ASB15: variants seen among roughly 807,000 people sequenced by gnomAD.
ASB15 encodes ankyrin repeat and SOCS box containing 15, also known as ankyrin repeat and SOCS box protein 15.
In ASB15, 54 loss-of-function variants were observed where a neutral mutation model predicts 58.0. The ratio of observed to expected loss-of-function variants is 0.93; its 90% confidence interval spans 0.75 to 1.17. ASB15 has a LOEUF of 1.17. ASB15 is among the 50% of genes most tolerant of loss of function. ASB15 has a pLI of 0.00. For missense variants in ASB15, 680 were observed against 707.4 expected, an observed-to-expected ratio of 0.96 and a Z score of 0.44; for synonymous variants, 249 against 262.4, an observed-to-expected ratio of 0.95 and a Z score of 0.50.
At chr7:123,628,842 A>T in intron 9 of ASB15, 22 bp from the exon 10 acceptor site, 1 of 1,419,986 alleles carries the variant, frequency 7.0e-7, no homozygotes, top group Non-Finnish European at 9.5e-7. Flanking sequence ...TGGCAAGTAG[A>T]TATTTGACTT....
In ASB15 at chr7:123,614,625, A is replaced by G. The variant is rs1427652876; in HGVS notation, c.107+16A>G. On this transcript the variant is annotated intron_variant, in intron 4 of 11. Coordinates refer to ENST00000451215, the MANE Select transcript of ASB15 (RefSeq NM_001290258.2). ...GTCCTGAAAGGTAGTATTCAAACCA[A>G]CTATCCTCAGCAAAATTTCTTTATG... 3 of 1,503,438 alleles carry G rather than the reference A, an allele frequency of 2.0e-6. No individual in the cohort carries two copies. The highest frequency in any genetic ancestry group is 1.8e-6 in the Non-Finnish European group (2 of 1,083,048). 93.1% of individuals were successfully genotyped at this position (1,503,438 alleles called of 1,614,324 possible). A position where few individuals can be genotyped will look rare whatever the true frequency, so the allele number is the denominator to read the frequency against.
chr7:123,595,433 T>C (rs1409294049), intron 1 of ASB15, among the ~76,000 whole-genome samples: 1 of 152,228 alleles, frequency 6.6e-6, no homozygotes, highest in Admixed American at 6.5e-5. Flanking sequence ...GGTTATTCTT[T>C]GTGAAAGTTC....
intron 1 of ASB15, among the ~76,000 whole-genome samples, chr7:123,585,405 C>G (rs1253179613): frequency 6.6e-6 from 1 of 151,766 alleles, no homozygotes; most frequent in Non-Finnish European, 1.5e-5. Flanking sequence ...TGACACATTA[C>G]ATGTAGGAAT....
chr7:123,606,120 T>A (rs1374431847), intron 2 of ASB15, among the ~76,000 whole-genome samples: 1 of 152,232 alleles, frequency 6.6e-6, no homozygotes, highest in Admixed American at 6.5e-5. Context: ...AAAGTAGCTT[T>A]TTTATTGTCT....
intron 3 of ASB15, 55 bp from the exon 4 acceptor site, chr7:123,614,446 T>C (rs1800667785): frequency 9.3e-7 from 1 of 1,074,530 alleles, no homozygotes; most frequent in Non-Finnish European, 1.4e-6. Context: ...CTCTATGTAC[T>C]GTTTTGGGCC....
At chr7:123,570,029 C>CTT (rs5887142) in intron 1 of ASB15, among the ~76,000 whole-genome samples, 426 of 88,186 alleles carry the variant, frequency 4.8e-3, no homozygotes, top group Non-Finnish European at 6.1e-3. Flanking sequence ...ACTGCCATAG[C>CTT]TTTTTTTTTT....
intron 7 of ASB15, among the ~76,000 whole-genome samples, chr7:123,620,807 C>A (rs914605468): frequency 5.3e-5 from 8 of 151,132 alleles, no homozygotes; most frequent in African/African-American, 1.9e-4. Context: ...CGTGATCCGC[C>A]CTCCTCGGCC....
rs560190579 is a variant in ASB15, at chr7:123,630,171, G to T, written c.1594+52G>T. 16 of 1,351,106 alleles carry T rather than the reference G, an allele frequency of 1.2e-5. No individual in the cohort carries two copies. The Admixed American group carries it at 2.5e-4, about 21-fold the overall frequency. The allele number at this position is 1,351,106 out of a possible 1,614,324, so 83.7% of individuals were successfully genotyped here. The stretch of plus-strand genomic sequence containing the variant: ...TTTTTAAATTAAGAACTTATATGGG[G>T]GAAATTTCTTAATGTCTTCTTTGAT... On this transcript the variant is annotated intron_variant, in intron 11 of 11. Transcript: ENST00000451215.
At position 123,602,557 on chromosome 7, in the gene ASB15, G is replaced by C. The variant is rs539276838; in HGVS notation, c.-245+643G>C. 5.3e-5 allele frequency among the ~76,000 whole-genome samples: 8 copies of C among 152,242 alleles called. No homozygotes were observed. The South Asian group carries it at 8.3e-4, about 16-fold the overall frequency. On this transcript the variant is annotated intron_variant, in intron 1 of 11. Transcript: ENST00000451215. ...GATTTGACTTCCACGAAGTAAAGCAGTGATGTGGACAAGAAAAATCTTATC... is the reference window on the plus strand; with the variant it reads ...GATTTGACTTCCACGAAGTAAAGCACTGATGTGGACAAGAAAAATCTTATC...
At chr7:123,633,683 T>C (rs961813508) in intron 11 of ASB15, among the ~76,000 whole-genome samples, 1 of 152,194 alleles carries the variant, frequency 6.6e-6, no homozygotes, top group African/African-American at 2.4e-5. Flanking sequence ...GAAATAATGA[T>C]GAACCCAGTA....
chr7:123,609,483 T>G (rs568606207), intron 3 of ASB15, among the ~76,000 whole-genome samples: 1 of 152,264 alleles, frequency 6.6e-6, no homozygotes, highest in South Asian at 2.1e-4. Flanking sequence ...AGTGTGTTAT[T>G]TATAGACACA....
chr7:123,594,199 T>G (rs1477367053), intron 1 of ASB15, among the ~76,000 whole-genome samples: 1 of 152,150 alleles, frequency 6.6e-6, no homozygotes, highest in East Asian at 1.9e-4. Flanking sequence ...TTCAAGGTTT[T>G]TAGCTTCCTT....
chr7:123,595,089 C>T (rs1464265505), intron 1 of ASB15, among the ~76,000 whole-genome samples: 1 of 152,180 alleles, frequency 6.6e-6, no homozygotes, highest in Non-Finnish European at 1.5e-5. Flanking sequence ...AGCAAGGCTC[C>T]GTGGACGTGG....
chr7:123,584,345 A>G lies in ASB15; in HGVS notation c.-443+17257A>G, dbSNP rs566634836. Among the ~76,000 whole-genome samples the G allele has an allele frequency of 3.3e-5, 5 of 151,770 alleles. No individual in the cohort carries two copies. The East Asian group carries it at 7.8e-4, about 24-fold the overall frequency. On this transcript the variant is annotated intron_variant, in intron 1 of 13. Transcript: ENST00000451558. ...AAAAAAAAAAGTAAGAGAAAAAGAA[A>G]GAAGTTTTAATGTCCTGATGCACAG...
At chr7:123,592,660 C>A (rs776191107) in intron 1 of ASB15, among the ~76,000 whole-genome samples, 1 of 152,004 alleles carries the variant, frequency 6.6e-6, no homozygotes, top group Non-Finnish European at 1.5e-5. Flanking sequence ...CCGTTTGTTG[C>A]GATTTCTGTT....
At position 123,616,411 on chromosome 7, in the gene ASB15, G is replaced by C. The variant is rs1800821023; in HGVS notation, c.208G>C (p.Asp70His). The change falls in exon 6 of 12, where the codon GAT (aspartate) becomes CAT (histidine). Residue 70 changes from aspartate to histidine, a missense_variant. Physicochemically the swap from Asp to His is moderately conservative, Grantham distance 81. Transcript: ENST00000451215. ...QEYVKYKYAM[D>H]EADEKGWFPL... is the part of the protein sequence containing the mutation. ...GTATGTAAAATATAAATATGCAATG[G>C]ATGAAGCTGATGAAAAAGGATGGTT... 6.2e-7 allele frequency: 1 copy of C among 1,606,522 alleles called. No individual in the cohort carries two copies. Among genetic ancestry groups the C allele is most frequent in the Non-Finnish European group, 8.5e-7 (1 of 1,173,464 alleles).
rs1409771623 is a variant in ASB15, at chr7:123,580,445, A to G, written c.-443+13357A>G. Among the ~76,000 whole-genome samples the G allele has an allele frequency of 2.0e-5, 3 of 152,136 alleles. No individual in the cohort carries two copies. The East Asian group carries it at 5.8e-4, about 29-fold the overall frequency. ...TCTGCTGTGAGCCACTTGACCAAAA[A>G]CTGCTCAGGGTAGTTATGTGGCCTT... On this transcript the variant is annotated intron_variant, in intron 1 of 13. Coordinates refer to the ASB15 transcript ENST00000451558.
intron 2 of ASB15, among the ~76,000 whole-genome samples, chr7:123,608,345 A>T (rs1217794938): frequency 1.4e-4 from 22 of 152,202 alleles, no homozygotes. Context: ...ACAATTATTC[A>T]TTCATTTAGT....
upstream of ASB15, among the ~76,000 whole-genome samples, chr7:123,599,251 A>T (rs929713033): frequency 1.3e-5 from 2 of 150,878 alleles, no homozygotes; most frequent in African/African-American, 4.9e-5. Flanking sequence ...AACAACAAAA[A>T]AGAATACCAA....
Sources: gnomAD v4.1 joint callset for allele counts (sites outside exome capture counted in the v4.1 genomes callset) on GRCh38, gnomAD v4.1.1 for gene constraint, MANE v1.5 for transcripts, NCBI Gene and HGNC (gene_info 2026-07-23, HGNC 2026-07-21) for gene names.